Variants in MLLT3 observed in about 807,000 individuals in gnomAD.
MLLT3 encodes MLLT3 super elongation complex subunit.
A neutral mutation model predicts 53.2 loss-of-function variants in MLLT3; 4 were observed. The observed-to-expected ratio is 0.08, with a 90% CI of 0.04 to 0.17. MLLT3 has a LOEUF of 0.17. Ranked by LOEUF, MLLT3 falls within the 10% of genes least tolerant of loss-of-function variation. The pLI is 1.00. For missense variants in MLLT3, 569 were observed against 684.0 expected, an observed-to-expected ratio of 0.83 and a Z score of 1.87; for synonymous variants, 283 against 230.6, an observed-to-expected ratio of 1.23 and a Z score of -2.06.
chr9:20,358,883 G>A (rs1821243526), intron 8 of MLLT3, among the ~76,000 whole-genome samples: 1 of 152,012 alleles, frequency 6.6e-6, no homozygotes, highest in Non-Finnish European at 1.5e-5. Flanking sequence ...TCGGCTGGGA[G>A]CGGTGGCTCA....
chr9:20,494,345 C>A (rs994844647), intron 2 of MLLT3, among the ~76,000 whole-genome samples: 4 of 151,980 alleles, frequency 2.6e-5, no homozygotes, highest in African/African-American at 9.7e-5. Flanking sequence ...GGTTTATGCA[C>A]AAATCCAGAA....
intron 2 of MLLT3, among the ~76,000 whole-genome samples, chr9:20,539,472 G>A (rs1007927397): frequency 1.3e-5 from 2 of 152,104 alleles, no homozygotes; most frequent in Admixed American, 6.5e-5. Flanking sequence ...TTACAATCAT[G>A]GCTGAAGGCT....
chr9:20,557,027 G>C (rs76212027), intron 2 of MLLT3, among the ~76,000 whole-genome samples: 3 of 152,074 alleles, frequency 2.0e-5, no homozygotes, highest in East Asian at 1.9e-4. Context: ...GAAGAAGAAC[G>C]CAACCTACTG....
At chr9:20,481,001 A>C (rs749027302) in intron 2 of MLLT3, among the ~76,000 whole-genome samples, 46 of 152,182 alleles carry the variant, frequency 3.0e-4, no homozygotes, top group Non-Finnish European at 4.3e-4. Context: ...CACACACACA[A>C]AAAAGAGTCA....
At chr9:20,473,445 A>G (rs904971289) in intron 2 of MLLT3, among the ~76,000 whole-genome samples, 1 of 152,136 alleles carries the variant, frequency 6.6e-6, no homozygotes, top group Non-Finnish European at 1.5e-5. Context: ...ACAAAATAAA[A>G]TGTTCAAGAG....
At chr9:20,353,627 A>G in intron 9 of MLLT3, 31 bp from the exon 10 acceptor site, 1 of 1,556,444 alleles carries the variant, frequency 6.4e-7, no homozygotes, top group Non-Finnish European at 8.9e-7. Context: ...CGAAAAGGAC[A>G]AGCACTTTAA....
At chr9:20,485,114 C>T (rs886824888) in intron 2 of MLLT3, among the ~76,000 whole-genome samples, 6 of 151,806 alleles carry the variant, frequency 4.0e-5, no homozygotes, top group Non-Finnish European at 2.9e-5. Context: ...TCAGCCTCCC[C>T]AGTAGCTGGG....
chr9:20,544,812 G>A (rs1818744047), intron 2 of MLLT3, among the ~76,000 whole-genome samples: 1 of 152,136 alleles, frequency 6.6e-6, no homozygotes, highest in Non-Finnish European at 1.5e-5. Context: ...ACTCAGTCGG[G>A]CATGGCTTAT....
chr9:20,556,410 C>T (rs1051637128), intron 2 of MLLT3, among the ~76,000 whole-genome samples: 2 of 152,142 alleles, frequency 1.3e-5, no homozygotes, highest in East Asian at 1.9e-4. Flanking sequence ...GAAGGCCAGG[C>T]GCAGTGGCTC....
intron 2 of MLLT3, among the ~76,000 whole-genome samples, chr9:20,528,545 C>T (rs1247462338): frequency 6.6e-6 from 1 of 152,232 alleles, no homozygotes; most frequent in African/African-American, 2.4e-5. Context: ...AGCTGCGCTC[C>T]CCACAAAGGC....
intron 2 of MLLT3, among the ~76,000 whole-genome samples, chr9:20,594,933 C>A (rs139858900): frequency 6.6e-6 from 1 of 152,238 alleles, no homozygotes; most frequent in East Asian, 1.9e-4. Flanking sequence ...CCTTGTTTAG[C>A]ATATAATCAA....
chr9:20,481,477 G>A (rs879888936), intron 2 of MLLT3, among the ~76,000 whole-genome samples: 5 of 152,072 alleles, frequency 3.3e-5, no homozygotes, highest in African/African-American at 4.8e-5. Flanking sequence ...CCAACATAAG[G>A]ACGGCCAACT....
intron 2 of MLLT3, among the ~76,000 whole-genome samples, chr9:20,469,305 T>C (rs1824312046): frequency 6.6e-6 from 1 of 152,094 alleles, no homozygotes; most frequent in South Asian, 2.1e-4. Context: ...GCCTTTAAAA[T>C]GGTAAAATAG....
intron 5 of MLLT3, among the ~76,000 whole-genome samples, chr9:20,408,148 GC>G (rs762516049): frequency 5.3e-5 from 8 of 152,088 alleles, no homozygotes; most frequent in Non-Finnish European, 8.8e-5. Flanking sequence ...CAAAGATAGA[GC>G]CCCTGTGTAT....
intron 6 of MLLT3, 73 bp from the exon 7 acceptor site, chr9:20,363,678 G>C (rs1216674567): frequency 7.5e-6 from 11 of 1,474,314 alleles, no homozygotes; most frequent in Non-Finnish European, 8.3e-6. Flanking sequence ...GAAACAGGGG[G>C]ATGCTTACCA....
chr9:20,353,934 A>G (rs1821099579), intron 9 of MLLT3, among the ~76,000 whole-genome samples: 1 of 148,048 alleles, frequency 6.8e-6, no homozygotes, highest in Non-Finnish European at 1.5e-5. Flanking sequence ...GAGTTTAAAC[A>G]TATTAACAAA....
intron 2 of MLLT3, among the ~76,000 whole-genome samples, chr9:20,615,613 T>A (rs1346331966): frequency 6.6e-6 from 1 of 151,902 alleles, no homozygotes; most frequent in Admixed American, 6.6e-5. Context: ...TGTGCCAGAT[T>A]GTAGGCTGAA....
chr9:20,374,039 T>G (rs576451972), intron 5 of MLLT3, among the ~76,000 whole-genome samples: 1 of 151,894 alleles, frequency 6.6e-6, no homozygotes, highest in African/African-American at 2.4e-5. Flanking sequence ...GTTTCTCCTC[T>G]GTAGGAAACT....
intron 5 of MLLT3, among the ~76,000 whole-genome samples, chr9:20,384,658 G>C (rs993138097): frequency 9.9e-5 from 15 of 152,146 alleles, no homozygotes; most frequent in Admixed American, 2.0e-4. Context: ...GTCAAATTAA[G>C]ATTTCTTCCC....
Sources: gnomAD v4.1 joint callset for allele counts (sites outside exome capture counted in the v4.1 genomes callset) on GRCh38, gnomAD v4.1.1 for gene constraint, MANE v1.5 for transcripts, NCBI Gene and HGNC (gene_info 2026-07-23, HGNC 2026-07-21) for gene names.